Variants in AGTPBP1 observed in about 807,000 individuals in gnomAD.
AGTPBP1 encodes ATP/GTP binding carboxypeptidase 1.
In AGTPBP1, 70 loss-of-function variants were observed where a neutral mutation model predicts 143.9. The observed-to-expected ratio is 0.49, with a 90% CI of 0.40 to 0.59. The LOEUF (loss-of-function observed/expected upper bound fraction) is 0.59, where lower values mean the gene tolerates loss of function less well. Ranked by LOEUF, AGTPBP1 falls within the 20% of genes least tolerant of loss-of-function variation. The pLI is 0.00. For missense variants in AGTPBP1, 1,229 were observed against 1,464.5 expected (o/e 0.84, Z 2.62); for synonymous variants, 463 against 500.2 (o/e 0.93, Z 0.99).
intron 3 of AGTPBP1, 44 bp from the exon 4 acceptor site, chr9:85,681,379 A>G: frequency 1.3e-6 from 2 of 1,556,522 alleles, no homozygotes; most frequent in Non-Finnish European, 1.8e-6. Context: ...TAAATTTTTA[A>G]AAGTATGTAT....
At chr9:85,801,803 T>A in the AGTPBP1 span, among the ~76,000 whole-genome samples, 104 of 152,276 alleles carry the variant, frequency 6.8e-4, 1 homozygote, top group Non-Finnish European at 1.2e-3. Flanking sequence ...GCAGCCTAAT[T>A]TGAAGAATTC....
intron 4 of AGTPBP1, 43 bp from the exon 5 acceptor site, chr9:85,678,441 G>T (rs1431168868): frequency 7.4e-7 from 1 of 1,357,346 alleles, no homozygotes; most frequent in Non-Finnish European, 1.0e-6. Context: ...GTAAACTTTT[G>T]ATTCCCAGAC....
At chr9:85,674,900 C>A (rs1000321026) in intron 6 of AGTPBP1, among the ~76,000 whole-genome samples, 3 of 151,676 alleles carry the variant, frequency 2.0e-5, no homozygotes, top group Admixed American at 2.0e-4. Context: ...AGGCAAAACT[C>A]TTTTTTTTCT....
chr9:85,622,305 T>A (rs1191700058), intron 14 of AGTPBP1, among the ~76,000 whole-genome samples: 1 of 152,228 alleles, frequency 6.6e-6, no homozygotes, highest in Non-Finnish European at 1.5e-5. Context: ...CATTAAACAC[T>A]GACAGTCTTA....
intron 17 of AGTPBP1, among the ~76,000 whole-genome samples, chr9:85,596,824 A>G (rs3829106): frequency 0.28 from 42,074 of 152,080 alleles, 8,514 homozygotes; most frequent in African/African-American, 0.55. Flanking sequence ...CATCTACACT[A>G]AAATTAATGG....
chr9:85,773,930 A>C, the AGTPBP1 span: 1 of 1,600,782 alleles, frequency 6.2e-7, no homozygotes, highest in Non-Finnish European at 8.6e-7. Flanking sequence ...TGGTTCGTGA[A>C]TTAGAATCTG....
chr9:85,584,592 C>T (rs2133153970), intron 23 of AGTPBP1, among the ~76,000 whole-genome samples: 1 of 152,138 alleles, frequency 6.6e-6, no homozygotes, highest in South Asian at 2.1e-4. Flanking sequence ...GTTTTGCTTC[C>T]AGTTTTGCTA....
intron 14 of AGTPBP1, among the ~76,000 whole-genome samples, chr9:85,626,716 G>GCCACA (rs1587769393): frequency 1.3e-5 from 2 of 152,086 alleles, no homozygotes; most frequent in East Asian, 3.9e-4. Context: ...GGCTTTGCAG[G>GCCACA]CCACATGACA....
At chr9:85,618,032 G>A (rs1232729071) in intron 17 of AGTPBP1, among the ~76,000 whole-genome samples, 1 of 152,120 alleles carries the variant, frequency 6.6e-6, no homozygotes, top group East Asian at 1.9e-4. Flanking sequence ...TCGAGGTCAG[G>A]AGTGCGAGAC....
At chr9:85,649,564 C>A (rs559814159) in intron 11 of AGTPBP1, among the ~76,000 whole-genome samples, 2 of 152,220 alleles carry the variant, frequency 1.3e-5, no homozygotes, top group Non-Finnish European at 1.5e-5. Flanking sequence ...TAAGACCTTT[C>A]TTTTCCCTAT....
intron 12 of AGTPBP1, among the ~76,000 whole-genome samples, chr9:85,645,889 T>C (rs1204302697): frequency 6.6e-6 from 1 of 152,170 alleles, no homozygotes; most frequent in Non-Finnish European, 1.5e-5. Context: ...CTTGTTCAAT[T>C]AACTGAAACC....
chr9:85,664,327 C>T (rs1478932842), intron 8 of AGTPBP1, among the ~76,000 whole-genome samples: 1 of 151,946 alleles, frequency 6.6e-6, no homozygotes, highest in East Asian at 1.9e-4. Flanking sequence ...TTCATAGGCC[C>T]CTCCCTTCAA....
At chr9:85,691,641 T>C (rs963481652) in intron 3 of AGTPBP1, among the ~76,000 whole-genome samples, 1 of 152,034 alleles carries the variant, frequency 6.6e-6, no homozygotes, top group African/African-American at 2.4e-5. Flanking sequence ...TGGATTTTAT[T>C]TGACCTGTTC....
chr9:85,566,632 T>C (rs1004315276), intron 25 of AGTPBP1, among the ~76,000 whole-genome samples: 4 of 146,258 alleles, frequency 2.7e-5, no homozygotes, highest in African/African-American at 1.0e-4. Flanking sequence ...AAATACAAAA[T>C]AGGATGACAA....
intron 20 of AGTPBP1, among the ~76,000 whole-genome samples, chr9:85,588,806 G>C (rs926937123): frequency 6.7e-6 from 1 of 150,034 alleles, no homozygotes; most frequent in Admixed American, 6.6e-5. Flanking sequence ...GCACTTGGGG[G>C]AAGTTTAAAA....
intron 17 of AGTPBP1, among the ~76,000 whole-genome samples, chr9:85,616,364 A>AT (rs1354366381): frequency 1.3e-5 from 2 of 152,050 alleles, no homozygotes; most frequent in Admixed American, 1.3e-4. Flanking sequence ...TTAAAATTTT[A>AT]AATGACACTA....
chr9:85,716,727 T>C (rs1837727655), intron 1 of AGTPBP1, among the ~76,000 whole-genome samples: 1 of 152,148 alleles, frequency 6.6e-6, no homozygotes, highest in Admixed American at 6.5e-5. Flanking sequence ...CAACACAACA[T>C]GCTTAGTGAT....
At chr9:85,667,213 T>C (rs1207064539) in intron 8 of AGTPBP1, among the ~76,000 whole-genome samples, 1 of 152,114 alleles carries the variant, frequency 6.6e-6, no homozygotes, top group Non-Finnish European at 1.5e-5. Flanking sequence ...GTATAATTCT[T>C]ACACAGCTGT....
chr9:85,748,533 C>T, the AGTPBP1 span, among the ~76,000 whole-genome samples: 1 of 152,184 alleles, frequency 6.6e-6, no homozygotes, highest in Non-Finnish European at 1.5e-5. Flanking sequence ...TAATGATCTT[C>T]CTTACTTACC....
Sources: allele counts gnomAD v4.1 joint callset (sites outside exome capture counted in the v4.1 genomes callset), GRCh38; gene constraint gnomAD v4.1.1; transcripts MANE v1.5; gene names NCBI Gene and HGNC (gene_info 2026-07-23, HGNC 2026-07-21).